Variants in POLM observed in about 807,000 individuals in gnomAD.
POLM encodes DNA polymerase mu, also known as DNA-directed DNA/RNA polymerase mu.
A neutral mutation model predicts 56.7 loss-of-function variants in POLM; 52 were observed. The ratio of observed to expected loss-of-function variants is 0.92; its 90% CI spans 0.73 to 1.15. POLM has a LOEUF of 1.15. POLM is among the 50% of genes most tolerant of loss of function. POLM has a pLI of 0.00. For missense variants in POLM, 660 were observed against 663.6 expected (o/e 0.99, Z 0.06); for synonymous variants, 273 against 274.3 (o/e 1.00, Z 0.05).
intron 6 of POLM, chr7:44,076,135 C>T (rs2096182842): frequency 5.8e-6 from 1 of 170,998 alleles, no homozygotes; most frequent in Non-Finnish European, 1.3e-5. Flanking sequence ...GACTCAAACC[C>T]AGGCCTAACA....
At chr7:44,074,090 A>G in intron 8 of POLM, 41 bp downstream of exon 8, 1 of 1,607,386 alleles carries the variant, frequency 6.2e-7, no homozygotes, top group Non-Finnish European at 8.5e-7. Flanking sequence ...AGGCAGTGGC[A>G]TTGGCCAGCG....
rs2096171666 is a variant in POLM, at chr7:44,072,647, CAT to C, written c.*642_*643del. 1 of 157,156 alleles carries C rather than the reference CAT, an allele frequency of 6.4e-6. No homozygotes were observed. Among genetic ancestry groups the C allele is most frequent in the African/African-American group, 2.4e-5 (1 of 41,646 alleles). The allele number at this position is 157,156 out of a possible 1,614,324, so 9.7% of individuals were successfully genotyped here. The stretch of plus-strand genomic sequence containing the variant: ...GGCAGGATATGACCTATTTTTGAGA[CAT>C]TGTGCTGAGAACAGGCCTTAAAGGC... On this transcript the variant is annotated 3_prime_UTR_variant, in exon 11 of 11. Coordinates refer to ENST00000242248, the MANE Select transcript of POLM (RefSeq NM_013284.4).
At chr7:44,074,812 C>T (rs371827608) in intron 6 of POLM, among the ~76,000 whole-genome samples, 8 of 152,366 alleles carry the variant, frequency 5.3e-5, no homozygotes, top group African/African-American at 1.9e-4. Context: ...GTGCCTTTTA[C>T]CCAGCTCCCC....
Position 44,073,646 on chromosome 7 carries a change from A to G in POLM, c.1377T>C (p.His459=). The G allele has an allele frequency of 1.2e-6, 2 of 1,613,988 alleles. No individual in the cohort carries two copies. The highest frequency in any genetic ancestry group is 1.7e-6 in the Non-Finnish European group (2 of 1,179,864). ...GTACCTGCTCCGGGTCAAACAGCCC[A>G]TGGCTGTTCAGCCACAGGCCCTTCT... ...RKEKGLWLNS[H]GLFDPEQKTF... is the part of the protein sequence containing the mutation. The change falls in exon 10 of 11, where the codon CAT becomes CAC. Residue 459 remains histidine (H), a synonymous_variant. Coordinates refer to ENST00000242248, the MANE Select transcript of POLM (RefSeq NM_013284.4).
Position 44,073,022 on chromosome 7 carries a change from AG to A in POLM, c.*268del, listed in dbSNP as rs1412607894. The A allele has an allele frequency of 7.2e-5, 89 of 1,238,988 alleles. No individual in the cohort carries two copies. Among genetic ancestry groups the A allele is most frequent in the Non-Finnish European group, 8.9e-5 (82 of 924,900 alleles). 76.7% of individuals were successfully genotyped at this position (1,238,988 alleles called of 1,614,324 possible). On this transcript the variant is annotated 3_prime_UTR_variant, in exon 11 of 11. Transcript: ENST00000242248. Reference sequence around the variant, plus strand: ...GCCCCACTCACATCCCATCCAGGGCAGGAACGTGAGCCATGGGGAGGCTAAG... The same window carrying A: ...GCCCCACTCACATCCCATCCAGGGCAGAACGTGAGCCATGGGGAGGCTAAG...
In POLM at chr7:44,073,627, G is replaced by A. The variant is rs1490176486; in HGVS notation, c.1396C>T (p.Gln466Ter). 3.7e-6 allele frequency: 6 copies of A among 1,614,014 alleles called. No individual in the cohort carries two copies. The highest frequency in any genetic ancestry group is 4.2e-6 in the Non-Finnish European group (5 of 1,179,904). The change falls in exon 10 of 11, where the codon CAG becomes TAG. Residue 466 changes from glutamine (Q) to a stop codon, truncating the protein, a stop_gained and splice_region_variant. Transcript: ENST00000242248. LOFTEE classifies it high-confidence loss of function. ...GTCCCCAGTCCCCAACAATGTACCTGCTCCGGGTCAAACAGCCCATGGCTG... is the reference window on the plus strand; with the variant it reads ...GTCCCCAGTCCCCAACAATGTACCTACTCCGGGTCAAACAGCCCATGGCTG... ...LNSHGLFDPE[Q>*]KTFFQAASEE...
chr7:44,080,758 G>A lies in POLM; in HGVS notation c.347C>T (p.Pro116Leu), dbSNP rs763084519. The change falls in exon 2 of 11, where the codon CCT becomes CTT. Residue 116 changes from proline to leucine, a missense_variant. Transcript: ENST00000242248. ...CTCCAGGCGGTGCCGGCACTCCACA[G>A]GTACAGGCTGCCCAGCTCCCAGGCT... ...TESLGAGQPV[P>L]VECRHRLEVA... is the part of the protein sequence containing the mutation. The A allele has an allele frequency of 4.3e-6, 7 of 1,614,004 alleles. No individual in the cohort carries two copies. The highest frequency in any genetic ancestry group is 5.1e-6 in the Non-Finnish European group (6 of 1,180,026).
At chr7:44,076,779 A>G in intron 5 of POLM, 150 bp from the exon 6 acceptor site, 2 of 958,882 alleles carry the variant, frequency 2.1e-6, no homozygotes, top group East Asian at 2.6e-5. Context: ...CAGGGCAAGG[A>G]TTCAAACCTG....
chr7:44,079,104 T>C (rs1162811687), intron 4 of POLM, among the ~76,000 whole-genome samples: 4 of 152,192 alleles, frequency 2.6e-5, no homozygotes, highest in Admixed American at 2.6e-4. Flanking sequence ...CATCTCTCAG[T>C]CAAATAAGTC....
Position 44,082,521 on chromosome 7 carries a change from G to A in POLM, c.-83C>T. On this transcript the variant is annotated 5_prime_UTR_variant, in exon 1 of 11. Coordinates refer to ENST00000242248, the MANE Select transcript of POLM (RefSeq NM_013284.4). Reference sequence around the variant, plus strand: ...GGAAGGAAGCCCCAGTGAGGCTGACGGAAGCGGGTGGGCGGGCGGGCGGCC... The same window carrying A: ...GGAAGGAAGCCCCAGTGAGGCTGACAGAAGCGGGTGGGCGGGCGGGCGGCC... The A allele has an allele frequency of 1.6e-6, 1 of 611,850 alleles. No homozygotes were observed. The highest frequency in any genetic ancestry group is 2.4e-6 in the Non-Finnish European group (1 of 412,242). 37.9% of individuals were successfully genotyped at this position (611,850 alleles called of 1,614,324 possible).
intron 1 of POLM, among the ~76,000 whole-genome samples, chr7:44,081,744 CT>C (rs1183469734): frequency 1.2e-3 from 150 of 125,368 alleles, no homozygotes; most frequent in Non-Finnish European, 1.3e-3. Context: ...GCAAATACGA[CT>C]TTTTTTTTTT....
Position 44,074,189 on chromosome 7 carries a change from G to C in POLM, c.1013C>G (p.Pro338Arg). ...CAGCCCCGCCTCCTGACCCTCCTTGGGGTGGGTGATGAGGAAGTCCACGTC... is the reference window on the plus strand; with the variant it reads ...CAGCCCCGCCTCCTGACCCTCCTTGCGGTGGGTGATGAGGAAGTCCACGTC... ...GHDVDFLITH[P>R]KEGQEAGLLP... The change falls in exon 8 of 11, where the codon CCC (proline) becomes CGC (arginine). Residue 338 changes from proline (P) to arginine (R), a missense_variant. Coordinates refer to ENST00000242248, the MANE Select transcript of POLM (RefSeq NM_013284.4). 1 of 1,600,156 alleles carries C rather than the reference G, an allele frequency of 6.2e-7. No homozygotes were observed. Among genetic ancestry groups the C allele is most frequent in the Non-Finnish European group, 8.5e-7 (1 of 1,173,764 alleles).
chr7:44,072,892 C>G lies in POLM; in HGVS notation c.*399G>C, dbSNP rs2096172179. 2.1e-6 allele frequency: 1 copy of G among 483,336 alleles called. No individual in the cohort carries two copies. The highest frequency in any genetic ancestry group is 3.6e-6 in the Non-Finnish European group (1 of 274,054). The allele number at this position is 483,336 out of a possible 1,614,324, so 29.9% of individuals were successfully genotyped here. A position where few individuals can be genotyped will look rare whatever the true frequency, so the allele number is the denominator to read the frequency against. ...TCTTCTGGGCATTCTGGGCAGGGTGCCCTGCAGGAGCCACAGTTAACTGCA... is the reference window on the plus strand; with the variant it reads ...TCTTCTGGGCATTCTGGGCAGGGTGGCCTGCAGGAGCCACAGTTAACTGCA... On this transcript the variant is annotated 3_prime_UTR_variant, in exon 11 of 11. Transcript: ENST00000242248.
chr7:44,073,386 G>A lies in POLM; in HGVS notation c.1399-9C>T, dbSNP rs761439998. On this transcript the variant is annotated splice_polypyrimidine_tract_variant and intron_variant, in intron 10 of 10. Transcript: ENST00000242248. Reference sequence around the variant, plus strand: ...GCTTGGAAAAATGTCTTCTGCAACAGAAGCAGGACTTCCGTGACCTAGGAG... The same window carrying A: ...GCTTGGAAAAATGTCTTCTGCAACAAAAGCAGGACTTCCGTGACCTAGGAG... The A allele has an allele frequency of 1.2e-6, 2 of 1,613,228 alleles. No homozygotes were observed. Among genetic ancestry groups the A allele is most frequent in the Non-Finnish European group, 1.7e-6 (2 of 1,179,764 alleles).
At chr7:44,081,020 C>A in intron 1 of POLM, 104 bp from the exon 2 acceptor site, 1 of 971,936 alleles carries the variant, frequency 1.0e-6, no homozygotes, top group Non-Finnish European at 1.5e-6. Flanking sequence ...GGTAAGTGAC[C>A]ATTCATCCTG....
intron 10 of POLM, 79 bp from the exon 11 acceptor site, chr7:44,073,456 G>A (rs2096174003): frequency 6.3e-7 from 1 of 1,584,802 alleles, no homozygotes; most frequent in African/African-American, 1.3e-5. Context: ...GGGTGGGGAA[G>A]AGCCCAGCGC....
At position 44,073,658 on chromosome 7, in the gene POLM, C is replaced by T; in HGVS notation, c.1365G>A (p.Trp455Ter). 6.2e-7 allele frequency: 1 copy of T among 1,614,206 alleles called. No homozygotes were observed. Among genetic ancestry groups the T allele is most frequent in the Non-Finnish European group, 8.5e-7 (1 of 1,180,030 alleles). Reference sequence around the variant, plus strand: ...GGTCAAACAGCCCATGGCTGTTCAGCCACAGGCCCTTCTCCTTCCGGCTGA... The same window carrying T: ...GGTCAAACAGCCCATGGCTGTTCAGTCACAGGCCCTTCTCCTTCCGGCTGA... ...RRFSRKEKGL[W>*]LNSHGLFDPE... The change falls in exon 10 of 11, where the codon TGG becomes TGA. Residue 455 changes from tryptophan to a stop codon, truncating the protein, a stop_gained. Transcript: ENST00000242248. LOFTEE classifies it low-confidence loss of function (END_TRUNC).
At chr7:44,079,200 G>C (rs2096192285) in intron 4 of POLM, among the ~76,000 whole-genome samples, 1 of 152,200 alleles carries the variant, frequency 6.6e-6, no homozygotes. Flanking sequence ...GTGTATTCTT[G>C]CAATGAAAGT....
chr7:44,073,471 G>A (rs1479987453), intron 10 of POLM, 94 bp from the exon 11 acceptor site: 1 of 1,580,744 alleles, frequency 6.3e-7, no homozygotes, highest in Admixed American at 1.8e-5. Context: ...CAGCGCCGAG[G>A]TGGGGTGTGC....
Sources: allele counts gnomAD v4.1 joint callset (sites outside exome capture counted in the v4.1 genomes callset), GRCh38; gene constraint gnomAD v4.1.1; transcripts MANE v1.5; gene names NCBI Gene and HGNC (gene_info 2026-07-23, HGNC 2026-07-21).